Variants in MAGI2 observed in about 807,000 individuals in gnomAD.
MAGI2 encodes membrane-associated guanylate kinase, WW and PDZ domain-containing protein 2.
MAGI2 carries 35 observed loss-of-function variants against 133.3 expected under a neutral mutation model. That is an observed-to-expected ratio of 0.26 (90% CI 0.20 to 0.35). The LOEUF is 0.35. Ranked by LOEUF, MAGI2 falls within the 10% of genes least tolerant of loss-of-function variation. The pLI is 1.00. For missense variants in MAGI2, 1,636 were observed against 1,863.4 expected (o/e 0.88, Z 2.25); for synonymous variants, 729 against 710.6 (o/e 1.03, Z -0.41).
chr7:79,183,230 ATACT>A (rs1184622916), intron 1 of MAGI2, among the ~76,000 whole-genome samples: 11 of 151,926 alleles, frequency 7.2e-5, no homozygotes, highest in Non-Finnish European at 1.6e-4. Context: ...AAAATAATAA[ATACT>A]TAGGTGATGG....
chr7:79,333,678 G>A (rs2129092952), intron 1 of MAGI2, among the ~76,000 whole-genome samples: 1 of 152,186 alleles, frequency 6.6e-6, no homozygotes, highest in Middle Eastern at 3.4e-3. Context: ...AATTACTGAT[G>A]TAGGCATAAA....
intron 2 of MAGI2, among the ~76,000 whole-genome samples, chr7:78,772,853 T>C (rs1410979099): frequency 6.6e-6 from 1 of 152,226 alleles, no homozygotes; most frequent in Admixed American, 6.5e-5. Flanking sequence ...AGACCTAAAA[T>C]GTTATAGGAA....
At chr7:78,277,213 A>C (rs1367987243) in intron 9 of MAGI2, among the ~76,000 whole-genome samples, 1 of 152,184 alleles carries the variant, frequency 6.6e-6, no homozygotes, top group East Asian at 1.9e-4. Flanking sequence ...TTGATCTTAA[A>C]GTATAGTAAA....
At chr7:79,315,345 TTG>T (rs748462144) in intron 1 of MAGI2, among the ~76,000 whole-genome samples, 387 of 33,178 alleles carry the variant, frequency 0.012, 3 homozygotes, top group Non-Finnish European at 0.031. Context: ...TTTTTTTTTT[TTG>T]TATTTTTAGT....
chr7:78,796,320 C>T (rs577545431), intron 2 of MAGI2, among the ~76,000 whole-genome samples: 5 of 152,104 alleles, frequency 3.3e-5, no homozygotes, highest in African/African-American at 1.2e-4. Context: ...AAAAAATGAT[C>T]AAAAGACCTG....
At chr7:79,217,957 G>A (rs1434837525) in intron 1 of MAGI2, among the ~76,000 whole-genome samples, 1 of 151,850 alleles carries the variant, frequency 6.6e-6, no homozygotes, top group Non-Finnish European at 1.5e-5. Flanking sequence ...AAGCTTTACT[G>A]TGAACAACAT....
chr7:78,234,556 TAATG>T (rs1790312577), intron 10 of MAGI2, among the ~76,000 whole-genome samples: 2 of 67,276 alleles, frequency 3.0e-5, no homozygotes, highest in Non-Finnish European at 8.6e-5. Flanking sequence ...CATTATAATA[TAATG>T]AATATTTTTC....
intron 1 of MAGI2, among the ~76,000 whole-genome samples, chr7:79,306,034 T>A (rs1250345404): frequency 1.3e-5 from 2 of 150,048 alleles, no homozygotes; most frequent in African/African-American, 4.9e-5. Context: ...GGTGGGGGTG[T>A]CTTCCTCTGT....
In MAGI2 at chr7:79,439,223, A is replaced by C. The variant is rs534958968; in HGVS notation, c.301+13797T>G. Among the ~76,000 whole-genome samples, 29 of 152,230 alleles carry C rather than the reference A, an allele frequency of 1.9e-4. No individual in the cohort carries two copies. The South Asian group carries it at 6.0e-3, about 32-fold the overall frequency. On this transcript the variant is annotated intron_variant, in intron 1 of 21. Transcript: ENST00000354212. ...ATCTCAAAGATCTCTTATTCTATGCAGCACTCCCCAGCTCCACTTGCTATC... is the reference window on the plus strand; with the variant it reads ...ATCTCAAAGATCTCTTATTCTATGCCGCACTCCCCAGCTCCACTTGCTATC...
intron 1 of MAGI2, among the ~76,000 whole-genome samples, chr7:79,445,783 A>G (rs1428829419): frequency 3.3e-5 from 5 of 152,316 alleles, no homozygotes; most frequent in African/African-American, 1.2e-4. Flanking sequence ...CTAGAACTAG[A>G]AATACCATTT....
intron 2 of MAGI2, among the ~76,000 whole-genome samples, chr7:78,709,637 A>G (rs1041671030): frequency 1.3e-5 from 2 of 152,132 alleles, no homozygotes; most frequent in African/African-American, 2.4e-5. Context: ...CCCAGTCCTC[A>G]ATGAGTTTCT....
chr7:78,449,572 G>A (rs1788501385), intron 6 of MAGI2, among the ~76,000 whole-genome samples: 1 of 152,056 alleles, frequency 6.6e-6, no homozygotes, highest in Admixed American at 6.6e-5. Context: ...ATTGCTGCCT[G>A]TGGCTTGGAA....
At chr7:78,108,926 A>G (rs1169965687) in intron 20 of MAGI2, among the ~76,000 whole-genome samples, 4 of 152,122 alleles carry the variant, frequency 2.6e-5, no homozygotes, top group Non-Finnish European at 4.4e-5. Flanking sequence ...TGTCCTGGAA[A>G]CAGCAATGGT....
In MAGI2 at chr7:79,378,408, CAGA is replaced by C. The variant is rs1179683731; in HGVS notation, c.301+74609_301+74611del. ...TGAGGACACTGAGATACTGGGAGGA[CAGA>C]TGGCTTGACCAAAGTCATACAACTA... On this transcript the variant is annotated intron_variant, in intron 1 of 21. Transcript: ENST00000354212. 8.5e-3 allele frequency among the ~76,000 whole-genome samples: 1,287 copies of C among 151,832 alleles called. 12 individuals carry two copies. The highest frequency in any genetic ancestry group is 0.03 in the African/African-American group (1,235 of 41,482).
At chr7:79,083,995 T>A (rs1369487046) in intron 1 of MAGI2, among the ~76,000 whole-genome samples, 1 of 151,720 alleles carries the variant, frequency 6.6e-6, no homozygotes, top group Non-Finnish European at 1.5e-5. Flanking sequence ...ATCTTTGAGT[T>A]TGGTAATGAC....
At chr7:79,017,556 GT>G (rs1176609284) in intron 1 of MAGI2, among the ~76,000 whole-genome samples, 5 of 152,296 alleles carry the variant, frequency 3.3e-5, no homozygotes, top group African/African-American at 1.2e-4. Context: ...GACCACACTA[GT>G]TCCCCAGCAA....
At chr7:79,089,868 A>C (rs1342172179) in intron 1 of MAGI2, among the ~76,000 whole-genome samples, 3 of 152,096 alleles carry the variant, frequency 2.0e-5, no homozygotes, top group Non-Finnish European at 4.4e-5. Context: ...GAGGAGGGAC[A>C]GCATTAGGAG....
intron 1 of MAGI2, among the ~76,000 whole-genome samples, chr7:79,335,584 G>A (rs1840382496): frequency 6.6e-6 from 1 of 151,952 alleles, no homozygotes; most frequent in South Asian, 2.1e-4. Flanking sequence ...TAGAAAAATG[G>A]TAAATCTATA....
At chr7:78,184,696 G>T (rs1032259670) in intron 13 of MAGI2, 1 of 152,038 alleles carries the variant, frequency 6.6e-6, no homozygotes, top group Non-Finnish European at 1.5e-5. Context: ...TCCAACATTT[G>T]TACAATAATG....
Sources: allele counts gnomAD v4.1 joint callset (sites outside exome capture counted in the v4.1 genomes callset), GRCh38; gene constraint gnomAD v4.1.1; transcripts MANE v1.5; gene names NCBI Gene and HGNC (gene_info 2026-07-23, HGNC 2026-07-21).